Variants in NTRK3 observed in about 807,000 individuals in gnomAD.
NTRK3 encodes the protein NT-3 growth factor receptor.
Under a neutral mutation model 91.7 loss-of-function variants are expected in NTRK3, and 24 were observed. That is an observed-to-expected ratio of 0.26 (90% confidence interval 0.19 to 0.37). NTRK3 has a LOEUF of 0.37. Ranked by LOEUF, NTRK3 falls within the 10% of genes least tolerant of loss-of-function variation. The pLI is 1.00. For missense variants in NTRK3, 880 were observed against 1,068.9 expected, an observed-to-expected ratio of 0.82 and a Z score of 2.46; for synonymous variants, 483 against 404.0, an observed-to-expected ratio of 1.20 and a Z score of -2.34.
At chr15:87,970,895 G>C (rs868476578) in intron 14 of NTRK3, among the ~76,000 whole-genome samples, 25 of 152,168 alleles carry the variant, frequency 1.6e-4, no homozygotes, top group African/African-American at 5.8e-4. Context: ...CCAGAAAACA[G>C]ACCAATTTAT....
At chr15:87,871,292 T>A (rs2064822053) in exon 19 of NTRK3, 1 of 230,940 alleles carries the variant, frequency 4.3e-6, no homozygotes, top group Non-Finnish European at 8.6e-6. Flanking sequence ...GCAGAGCTTC[T>A]GTCAGAAGCC....
intron 14 of NTRK3, among the ~76,000 whole-genome samples, chr15:88,029,200 A>C (rs548896710): frequency 8.5e-4 from 129 of 152,316 alleles, no homozygotes; most frequent in Non-Finnish European, 1.5e-3. Flanking sequence ...GCAAACTAGG[A>C]GCATCTTTAT....
At chr15:88,193,281 C>A (rs1296132050) in intron 3 of NTRK3, among the ~76,000 whole-genome samples, 1 of 152,130 alleles carries the variant, frequency 6.6e-6, no homozygotes, top group African/African-American at 2.4e-5. Context: ...CCCGAGCACA[C>A]CACTGAACAT....
chr15:88,063,330 T>C (rs1404432341), intron 13 of NTRK3, among the ~76,000 whole-genome samples: 1 of 152,258 alleles, frequency 6.6e-6, no homozygotes, highest in African/African-American at 2.4e-5. Flanking sequence ...ACAGAGCTGT[T>C]GGTGGCTCTC....
At chr15:88,112,177 A>T (rs2051478518) in intron 13 of NTRK3, among the ~76,000 whole-genome samples, 1 of 152,138 alleles carries the variant, frequency 6.6e-6, no homozygotes. Flanking sequence ...AAGTGCTAGG[A>T]TTACAGGCGT....
chr15:88,001,874 G>A (rs2076120681), intron 14 of NTRK3, among the ~76,000 whole-genome samples: 1 of 152,114 alleles, frequency 6.6e-6, no homozygotes, highest in Non-Finnish European at 1.5e-5. Flanking sequence ...CTGCAAAAAA[G>A]AGGCCTGAAT....
chr15:88,168,763 T>C (rs895551987), intron 5 of NTRK3, among the ~76,000 whole-genome samples: 1 of 152,214 alleles, frequency 6.6e-6, no homozygotes, highest in Non-Finnish European at 1.5e-5. Context: ...TCTCCCTTAA[T>C]TCCTCTATGA....
chr15:88,031,307 T>C (rs1256092176), intron 14 of NTRK3, among the ~76,000 whole-genome samples: 1 of 152,158 alleles, frequency 6.6e-6, no homozygotes, highest in Non-Finnish European at 1.5e-5. Context: ...AACTGTATAT[T>C]GAACATAGCA....
intron 14 of NTRK3, chr15:87,979,359 G>A (rs566092498): frequency 6.8e-6 from 11 of 1,612,500 alleles, no homozygotes; most frequent in East Asian, 2.2e-5. Context: ...AAGCCATGAC[G>A]TCCTTTGCTG....
At chr15:87,912,311 G>C (rs1425423779) in intron 17 of NTRK3, among the ~76,000 whole-genome samples, 1 of 152,156 alleles carries the variant, frequency 6.6e-6, no homozygotes, top group Non-Finnish European at 1.5e-5. Context: ...TAACCTCATG[G>C]AGACTGTGCT....
intron 14 of NTRK3, among the ~76,000 whole-genome samples, chr15:87,985,803 C>G (rs974613200): frequency 2.0e-5 from 3 of 151,998 alleles, no homozygotes; most frequent in Admixed American, 6.6e-5. Flanking sequence ...AAGACTCGCT[C>G]CTGAAGGGAT....
At chr15:88,003,968 A>G (rs1216041170) in intron 14 of NTRK3, among the ~76,000 whole-genome samples, 1 of 152,074 alleles carries the variant, frequency 6.6e-6, no homozygotes, top group Admixed American at 6.5e-5. Context: ...TCAAGAGCAG[A>G]ATCTCCTGCT....
intron 14 of NTRK3, among the ~76,000 whole-genome samples, chr15:88,031,204 C>G (rs912144575): frequency 1.3e-5 from 2 of 152,190 alleles, no homozygotes; most frequent in Non-Finnish European, 2.9e-5. Flanking sequence ...GGAACCTAAC[C>G]TCGTGTCTTC....
chr15:88,147,328 A>C lies in NTRK3; in HGVS notation c.464+7T>G. The C allele has an allele frequency of 1.2e-6, 2 of 1,613,276 alleles. No individual in the cohort carries two copies. Among genetic ancestry groups the C allele is most frequent in the Non-Finnish European group, 1.7e-6 (2 of 1,179,412 alleles). ...AGTACCTGGACAGTCTTCAAAACCA[A>C]ACTTACAATTCCCGAAGACTCAGCG... On this transcript the variant is annotated splice_region_variant and intron_variant, in intron 6 of 18. Transcript: ENST00000394480.
chr15:88,057,056 C>A (rs1004498275), intron 13 of NTRK3, among the ~76,000 whole-genome samples: 1 of 150,734 alleles, frequency 6.6e-6, no homozygotes, highest in Non-Finnish European at 1.5e-5. Flanking sequence ...GTAGTCCCAG[C>A]TACACGGGAG....
chr15:87,907,236 G>A (rs1327209271), intron 17 of NTRK3, among the ~76,000 whole-genome samples: 1 of 152,206 alleles, frequency 6.6e-6, no homozygotes, highest in Non-Finnish European at 1.5e-5. Flanking sequence ...TTAAAAGCAT[G>A]AGAAGAGATT....
At chr15:88,010,039 A>G (rs1166743391) in intron 14 of NTRK3, among the ~76,000 whole-genome samples, 1 of 152,182 alleles carries the variant, frequency 6.6e-6, no homozygotes, top group East Asian at 1.9e-4. Flanking sequence ...TCTCTTTCAA[A>G]TCTACAAAGC....
chr15:87,927,635 G>A (rs1164473401), intron 17 of NTRK3: 1 of 152,176 alleles, frequency 6.6e-6, no homozygotes. Flanking sequence ...AAGTTACTAG[G>A]TTATGAGGGC....
intron 3 of NTRK3, among the ~76,000 whole-genome samples, chr15:88,190,227 G>T (rs1390291763): frequency 6.6e-6 from 1 of 152,118 alleles, no homozygotes; most frequent in Admixed American, 6.6e-5. Flanking sequence ...CTATTAATGA[G>T]CTCTTCTTCA....
Sources: allele counts gnomAD v4.1 joint callset (sites outside exome capture counted in the v4.1 genomes callset), GRCh38; gene constraint gnomAD v4.1.1; transcripts MANE v1.5; gene names NCBI Gene and HGNC (gene_info 2026-07-23, HGNC 2026-07-21).